CDH4: variants seen among roughly 807,000 people sequenced by gnomAD.
CDH4 encodes cadherin 4.
Under a neutral mutation model 86.0 loss-of-function variants are expected in CDH4, and 33 were observed. That is an observed-to-expected ratio of 0.38 (90% CI 0.29 to 0.51). CDH4 has a LOEUF of 0.51. CDH4 is among the 20% of genes least tolerant of loss of function. The probability of loss-of-function intolerance (pLI) is 0.86; values close to 1 mark genes in which losing one functional copy is unlikely to be tolerated. For missense variants in CDH4, 1,114 were observed against 1,307.4 expected (o/e 0.85, Z 2.28); for synonymous variants, 555 against 549.4 (o/e 1.01, Z -0.14).
chr20:61,788,937 G>C (rs1175193186), intron 4 of CDH4, among the ~76,000 whole-genome samples: 1 of 152,248 alleles, frequency 6.6e-6, no homozygotes, highest in Non-Finnish European at 1.5e-5. Context: ...TTCCCTAGTG[G>C]TGCTGAAACA....
chr20:61,781,227 C>G (rs1978523681), intron 4 of CDH4, among the ~76,000 whole-genome samples: 1 of 136,116 alleles, frequency 7.3e-6, no homozygotes. Context: ...AGTATACACA[C>G]AAAAATTATT....
At position 61,518,108 on chromosome 20, in the gene CDH4, C is replaced by T. The variant is rs2085837143; in HGVS notation, c.170-225455C>T. On this transcript the variant is annotated intron_variant, in intron 2 of 15. Coordinates refer to ENST00000614565, the MANE Select transcript of CDH4 (RefSeq NM_001794.5). The surrounding 1 kb of genome is among the most constrained non-coding windows in gnomAD (Gnocchi z 6.3). The stretch of plus-strand genomic sequence containing the variant: ...GTTTTCTAAAGAATTTGCAAGAAAT[C>T]ATGACGCTACTGCAAGGGTTTAGTG... Among the ~76,000 whole-genome samples the T allele has an allele frequency of 1.3e-5, 2 of 152,192 alleles. No individual in the cohort carries two copies. The highest frequency in any genetic ancestry group is 2.9e-5 in the Non-Finnish European group (2 of 68,022).
intron 5 of CDH4, among the ~76,000 whole-genome samples, chr20:61,846,204 G>C (rs888043592): frequency 6.6e-6 from 1 of 152,224 alleles, no homozygotes; most frequent in Non-Finnish European, 1.5e-5. Flanking sequence ...AGTCCCTCAC[G>C]GCTGCCTCCT....
intron 2 of CDH4, among the ~76,000 whole-genome samples, chr20:61,727,242 C>T (rs1437425444): frequency 6.6e-6 from 1 of 151,948 alleles, no homozygotes; most frequent in African/African-American, 2.4e-5. Context: ...AAGCCATCAC[C>T]ATCAGTGCCA....
At position 61,311,405 on chromosome 20, in the gene CDH4, A is replaced by G. The variant is rs79089274; in HGVS notation, c.169+56468A>G. The stretch of plus-strand genomic sequence containing the variant: ...GGGAAAATAATTTCTACAAATAATG[A>G]GGAAGAACTTCTCACCTTTCCATAT... On this transcript the variant is annotated intron_variant, in intron 2 of 15. Transcript: ENST00000614565. Among the ~76,000 whole-genome samples, 107 of 152,400 alleles carry G rather than the reference A, an allele frequency of 7.0e-4. 2 individuals carry two copies. The East Asian group carries it at 0.017, about 24-fold the overall frequency.
In CDH4 at chr20:61,831,382, G is replaced by A. The variant is rs534710297; in HGVS notation, c.577-13286G>A. Among the ~76,000 whole-genome samples, 53 of 152,378 alleles carry A rather than the reference G, an allele frequency of 3.5e-4. No individual in the cohort carries two copies. The South Asian group carries it at 0.011, about 30-fold the overall frequency. On this transcript the variant is annotated intron_variant, in intron 4 of 15. Transcript: ENST00000614565. The stretch of plus-strand genomic sequence containing the variant: ...AAAAAGTTGTCCATTTTAGCGAGCA[G>A]TGAAGTCTCGAGGGAAGAGCCCCAG...
chr20:61,768,190 TACACACACACACAGACAC>T (rs1002671534), intron 3 of CDH4, among the ~76,000 whole-genome samples: 67 of 151,912 alleles, frequency 4.4e-4, no homozygotes, highest in Admixed American at 1.0e-3. Context: ...ATGTGCTCTA[TACACACACACACAGACAC>T]ACAAACACAC....
chr20:61,569,457 C>T (rs1203302576), intron 2 of CDH4, among the ~76,000 whole-genome samples: 1 of 152,138 alleles, frequency 6.6e-6, no homozygotes, highest in Non-Finnish European at 1.5e-5. Flanking sequence ...CTCTGTCTCC[C>T]CTTTCTCTCT....
chr20:61,750,017 C>T (rs1390978781), intron 3 of CDH4, among the ~76,000 whole-genome samples: 1 of 152,044 alleles, frequency 6.6e-6, no homozygotes, highest in Non-Finnish European at 1.5e-5. Context: ...GCTGAGATTG[C>T]ACCACTGCAC....
chr20:61,389,311 C>T (rs1279523969), intron 2 of CDH4, among the ~76,000 whole-genome samples: 1 of 152,214 alleles, frequency 6.6e-6, no homozygotes, highest in African/African-American at 2.4e-5. Flanking sequence ...TTTATCTTAT[C>T]ACATGGCATG....
chr20:61,584,800 G>A (rs1331780130), intron 2 of CDH4, among the ~76,000 whole-genome samples: 2 of 152,198 alleles, frequency 1.3e-5, no homozygotes, highest in South Asian at 2.1e-4. Context: ...GCCTGCAGGG[G>A]GCTGACAGCT....
intron 2 of CDH4, among the ~76,000 whole-genome samples, chr20:61,590,380 C>T (rs1411316791): frequency 1.3e-5 from 2 of 152,100 alleles, no homozygotes; most frequent in Admixed American, 6.5e-5. Context: ...GCAGCCCTGG[C>T]GTTTCCTGCA....
chr20:61,589,152 A>C (rs1048280255), intron 2 of CDH4, among the ~76,000 whole-genome samples: 2 of 152,176 alleles, frequency 1.3e-5, no homozygotes, highest in African/African-American at 4.8e-5. Flanking sequence ...ATAACTTTAA[A>C]TGTGTGCATA....
intron 2 of CDH4, among the ~76,000 whole-genome samples, chr20:61,426,175 T>C (rs1364910150): frequency 6.6e-6 from 1 of 152,202 alleles, no homozygotes. Flanking sequence ...AATGGGGGTT[T>C]CTAGTTGTTT....
At chr20:61,776,679 C>G (rs1191927731) in intron 4 of CDH4, among the ~76,000 whole-genome samples, 1 of 152,220 alleles carries the variant, frequency 6.6e-6, no homozygotes, top group African/African-American at 2.4e-5. Context: ...AGAAACTGAA[C>G]CCAACCTAAG....
intron 2 of CDH4, among the ~76,000 whole-genome samples, chr20:61,741,200 C>T (rs552974580): frequency 2.6e-5 from 4 of 152,244 alleles, no homozygotes; most frequent in African/African-American, 7.2e-5. Context: ...CAGAGCAAGA[C>T]TCCATCTCAA....
intron 2 of CDH4, among the ~76,000 whole-genome samples, chr20:61,588,536 G>A (rs6142802): frequency 0.088 from 13,433 of 152,240 alleles, 781 homozygotes; most frequent in East Asian, 0.24. Context: ...TACACACTTG[G>A]CCAATGACTC....
chr20:61,545,486 C>T lies in CDH4; in HGVS notation c.170-198077C>T, dbSNP rs73914837. 5.3e-3 allele frequency among the ~76,000 whole-genome samples: 815 copies of T among 152,340 alleles called. 8 individuals carry two copies. The highest frequency in any genetic ancestry group is 0.018 in the African/African-American group (767 of 41,588). ...GCTGCACGGTGTCCCTCATTGCTGG[C>T]GTCTGGCGTTCAGTCACTGTCTGGG... On this transcript the variant is annotated intron_variant, in intron 2 of 15. Coordinates refer to ENST00000614565, the MANE Select transcript of CDH4 (RefSeq NM_001794.5).
chr20:61,560,797 G>A (rs2086211107), intron 2 of CDH4, among the ~76,000 whole-genome samples: 1 of 152,244 alleles, frequency 6.6e-6, no homozygotes, highest in Admixed American at 6.5e-5. Context: ...GGGGCCCTCA[G>A]TCTGTCCATC....
Sources: allele counts gnomAD v4.1 joint callset (sites outside exome capture counted in the v4.1 genomes callset), GRCh38; gene constraint gnomAD v4.1.1; non-coding constraint Gnocchi (gnomAD v3.1); transcripts MANE v1.5; gene names NCBI Gene and HGNC (gene_info 2026-07-23, HGNC 2026-07-21).